MACROD2: variants seen among roughly 807,000 people sequenced by gnomAD.
The protein encoded by MACROD2 is mono-ADP ribosylhydrolase 2.
Under a neutral mutation model 70.4 loss-of-function variants are expected in MACROD2, and 36 were observed. That is an observed-to-expected ratio of 0.51 (90% confidence interval 0.39 to 0.68). The LOEUF (loss-of-function observed/expected upper bound fraction) is 0.68. Ranked by LOEUF, MACROD2 falls within the 30% of genes least tolerant of loss-of-function variation. The probability of loss-of-function intolerance (pLI) is 0.00; values close to 1 mark genes in which losing one functional copy is unlikely to be tolerated. For missense variants in MACROD2, 496 were observed against 538.4 expected (o/e 0.92, Z 0.78); for synonymous variants, 172 against 178.8 (o/e 0.96, Z 0.30).
intron 6 of MACROD2, among the ~76,000 whole-genome samples, chr20:15,250,746 T>G (rs138923171): frequency 6.6e-6 from 1 of 152,318 alleles, no homozygotes; most frequent in East Asian, 1.9e-4. Flanking sequence ...CTGTCTTCTC[T>G]TCCTTGGGAA....
chr20:15,936,709 A>G (rs2065669573), intron 11 of MACROD2, among the ~76,000 whole-genome samples: 1 of 150,798 alleles, frequency 6.6e-6, no homozygotes, highest in South Asian at 2.1e-4. Flanking sequence ...GTTATCAGGT[A>G]TTAAACATTG....
chr20:14,064,082 G>A (rs2053725169), intron 2 of MACROD2, among the ~76,000 whole-genome samples: 1 of 152,134 alleles, frequency 6.6e-6, no homozygotes, highest in Non-Finnish European at 1.5e-5. Flanking sequence ...CATGAAATAG[G>A]CATTTCAGTG....
chr20:15,163,183 A>C (rs1477568311), intron 5 of MACROD2, among the ~76,000 whole-genome samples: 1 of 152,002 alleles, frequency 6.6e-6, no homozygotes, highest in African/African-American at 2.4e-5. Context: ...TAAGACTGGA[A>C]AAAAGAGAAA....
At chr20:14,819,505 C>A (rs1032688469) in intron 5 of MACROD2, among the ~76,000 whole-genome samples, 2 of 151,966 alleles carry the variant, frequency 1.3e-5, no homozygotes, top group African/African-American at 4.8e-5. Context: ...GTACCACCTT[C>A]TAAGACAGAG....
At chr20:14,830,575 A>C (rs142145530) in intron 5 of MACROD2, among the ~76,000 whole-genome samples, 1 of 152,186 alleles carries the variant, frequency 6.6e-6, no homozygotes, top group Non-Finnish European at 1.5e-5. Flanking sequence ...TAGAAAAATC[A>C]ATAAGTAATC....
chr20:14,586,127 A>C (rs1028396899), intron 4 of MACROD2, among the ~76,000 whole-genome samples: 3 of 152,112 alleles, frequency 2.0e-5, no homozygotes, highest in African/African-American at 7.2e-5. Context: ...GGTTACCAAA[A>C]GGGAAATGTG....
chr20:16,037,471 T>C (rs2067251112), intron 15 of MACROD2, among the ~76,000 whole-genome samples: 1 of 151,702 alleles, frequency 6.6e-6, no homozygotes. Flanking sequence ...CCTAAGAAAA[T>C]AGTCAAGAAA....
intron 13 of MACROD2, among the ~76,000 whole-genome samples, chr20:15,973,931 A>G (rs1015991608): frequency 3.3e-5 from 5 of 152,210 alleles, no homozygotes; most frequent in African/African-American, 9.6e-5. Flanking sequence ...ATGGCAAGAT[A>G]CAATACAAAT....
chr20:14,770,957 G>A (rs894745160), intron 5 of MACROD2, among the ~76,000 whole-genome samples: 1 of 151,998 alleles, frequency 6.6e-6, no homozygotes, highest in Non-Finnish European at 1.5e-5. Context: ...AGATCATAGG[G>A]TGCCCAGATA....
At chr20:14,083,930 G>A (rs1021657119) in intron 2 of MACROD2, among the ~76,000 whole-genome samples, 4 of 151,698 alleles carry the variant, frequency 2.6e-5, no homozygotes, top group Admixed American at 6.6e-5. Context: ...GCCTGGTGGC[G>A]GGCGGCTGTA....
chr20:15,777,885 G>T (rs2051759821), intron 8 of MACROD2, among the ~76,000 whole-genome samples: 1 of 152,078 alleles, frequency 6.6e-6, no homozygotes, highest in African/African-American at 2.4e-5. Flanking sequence ...TCCTGGTCTT[G>T]AGAGATCTGC....
intron 5 of MACROD2, among the ~76,000 whole-genome samples, chr20:15,097,043 C>T (rs1463237944): frequency 6.7e-6 from 1 of 149,034 alleles, no homozygotes; most frequent in Admixed American, 6.7e-5. Flanking sequence ...AACTCCTGAC[C>T]TCAGGTGATC....
chr20:14,574,634 C>G (rs1197694334), intron 4 of MACROD2, among the ~76,000 whole-genome samples: 1 of 151,302 alleles, frequency 6.6e-6, no homozygotes, highest in Non-Finnish European at 1.5e-5. Context: ...TGAAAAATTA[C>G]ATATATAAAT....
chr20:15,412,497 C>A (rs1600375323), intron 6 of MACROD2, among the ~76,000 whole-genome samples: 2 of 152,192 alleles, frequency 1.3e-5, no homozygotes, highest in Admixed American at 6.5e-5. Context: ...CTAAAGAAAA[C>A]CCTTGTTTAA....
At chr20:15,225,439 G>A (rs964849654) in intron 5 of MACROD2, among the ~76,000 whole-genome samples, 1 of 152,118 alleles carries the variant, frequency 6.6e-6, no homozygotes, top group Non-Finnish European at 1.5e-5. Flanking sequence ...AATAAAAGCA[G>A]TGAAAAGTTT....
At chr20:15,567,418 C>T (rs952178442) in intron 8 of MACROD2, among the ~76,000 whole-genome samples, 1 of 152,120 alleles carries the variant, frequency 6.6e-6, no homozygotes, top group Admixed American at 6.5e-5. Flanking sequence ...CCATGTGGCT[C>T]AGCACTTGAG....
chr20:14,504,382 A>G (rs1464830619), intron 4 of MACROD2, among the ~76,000 whole-genome samples: 1 of 152,314 alleles, frequency 6.6e-6, no homozygotes, highest in East Asian at 1.9e-4. Flanking sequence ...AGGATGAATA[A>G]AATATTGGGC....
intron 4 of MACROD2, among the ~76,000 whole-genome samples, chr20:14,639,642 T>C (rs1043907505): frequency 1.2e-4 from 18 of 152,184 alleles, no homozygotes; most frequent in African/African-American, 4.1e-4. Context: ...ATAGCCATCA[T>C]TCAATGAAAG....
intron 6 of MACROD2, among the ~76,000 whole-genome samples, chr20:15,292,125 C>G (rs898121501): frequency 1.3e-5 from 2 of 152,182 alleles, no homozygotes; most frequent in Admixed American, 1.3e-4. Context: ...ATCCTCCCAT[C>G]TCAGCCTCCT....
Sources: allele counts gnomAD v4.1 joint callset (sites outside exome capture counted in the v4.1 genomes callset), GRCh38; gene constraint gnomAD v4.1.1; transcripts MANE v1.5; gene names NCBI Gene and HGNC (gene_info 2026-07-23, HGNC 2026-07-21).